Variants in WNK3 observed in about 807,000 individuals in gnomAD.
WNK3 encodes the protein WNK lysine deficient protein kinase 3.
Under a neutral mutation model 116.7 loss-of-function variants are expected in WNK3, and 18 were observed. The observed-to-expected ratio is 0.15, with a 90% CI of 0.11 to 0.23. The LOEUF (loss-of-function observed/expected upper bound fraction) is 0.23. Ranked by LOEUF, WNK3 falls within the 10% of genes least tolerant of loss-of-function variation. The pLI, the probability that WNK3 is intolerant of heterozygous loss-of-function variation, is 1.00. For missense variants in WNK3, 993 were observed against 1,323.8 expected, an observed-to-expected ratio of 0.75 and a Z score of 3.88; for synonymous variants, 404 against 469.4, an observed-to-expected ratio of 0.86 and a Z score of 1.80.
chrX:54,277,917 A>G (rs183473507), intron 10 of WNK3, among the ~76,000 whole-genome samples: 4 of 109,473 alleles, frequency 3.7e-5, no homozygotes, highest in Admixed American at 9.9e-5. Context: ...ACATGGCAAA[A>G]CCTCATCTCC....
intron 22 of WNK3, among the ~76,000 whole-genome samples, chrX:54,222,737 T>C (rs1046337936): frequency 5.7e-5 from 6 of 104,753 alleles, no homozygotes; most frequent in Non-Finnish European, 1.2e-4. Flanking sequence ...ATTAGCCAGG[T>C]ATGGTGGTAT....
intron 22 of WNK3, among the ~76,000 whole-genome samples, chrX:54,214,123 C>T (rs782793944): frequency 3.2e-4 from 35 of 110,845 alleles, no homozygotes; most frequent in Admixed American, 2.6e-3. Context: ...ATTACAGGCG[C>T]GTGCCACCGC....
chrX:54,210,492 TG>T (rs1172817321), intron 22 of WNK3, among the ~76,000 whole-genome samples: 1 of 110,982 alleles, frequency 9.0e-6, no homozygotes, highest in African/African-American at 3.3e-5. Flanking sequence ...CCAGGCACAG[TG>T]GCACACGCCT....
intron 10 of WNK3, among the ~76,000 whole-genome samples, chrX:54,277,030 A>G (rs1055477859): frequency 9.0e-6 from 1 of 111,476 alleles, no homozygotes; most frequent in African/African-American, 3.3e-5. Context: ...ATTAATTCAT[A>G]ATAAAACTTC....
chrX:54,215,336 G>A lies in WNK3; in HGVS notation c.4871-13143C>T, dbSNP rs782237041. 4.5e-3 allele frequency among the ~76,000 whole-genome samples: 502 copies of A among 111,160 alleles called. 3 individuals are homozygous for A. The highest frequency in any genetic ancestry group is 0.019 in the Middle Eastern group (4 of 212). On this transcript the variant is annotated intron_variant, in intron 22 of 23. Coordinates refer to ENST00000354646, the Ensembl canonical transcript of WNK3. ...CTGCCGAGTGCCTGGGATTGCAGGC[G>A]CGCGCCGCCACGCCTGACTGGTTTT...
intron 22 of WNK3, 103 bp from the exon 23 acceptor site, chrX:54,202,296 G>A: frequency 4.1e-6 from 3 of 739,313 alleles, no homozygotes; most frequent in Non-Finnish European, 5.9e-6. Context: ...AGCCACACAT[G>A]GGGTGCAATT....
intron 10 of WNK3, among the ~76,000 whole-genome samples, chrX:54,281,337 T>C (rs1031273921): frequency 1.8e-5 from 2 of 110,094 alleles, no homozygotes; most frequent in African/African-American, 6.6e-5. Context: ...ATACAAAAAT[T>C]AGCTGGGCAT....
chrX:54,296,105 A>G (rs782249611), intron 7 of WNK3, among the ~76,000 whole-genome samples: 23 of 112,137 alleles, frequency 2.1e-4, no homozygotes, highest in Admixed American at 3.8e-4. Flanking sequence ...GTATGCTAAC[A>G]GCAAAGTGCT....
At chrX:54,234,245 G>A (rs1479302786) in intron 20 of WNK3, among the ~76,000 whole-genome samples, 2 of 110,308 alleles carry the variant, frequency 1.8e-5, no homozygotes, top group East Asian at 2.9e-4. Context: ...TGTGTTACAC[G>A]TCTGTAGGCC....
At chrX:54,341,757 A>G (rs1557176445) in intron 1 of WNK3, among the ~76,000 whole-genome samples, 1 of 111,728 alleles carries the variant, frequency 9.0e-6, no homozygotes, top group African/African-American at 3.2e-5. Context: ...AAAACTACAG[A>G]AACAGAAAAT....
chrX:54,283,186 G>A (rs1009681965), intron 10 of WNK3, among the ~76,000 whole-genome samples: 4 of 112,281 alleles, frequency 3.6e-5, no homozygotes, highest in Admixed American at 9.5e-5. Context: ...GCTCATGCCT[G>A]TAATCCTGGC....
intron 2 of WNK3, among the ~76,000 whole-genome samples, chrX:54,314,472 C>A (rs1481373191): frequency 6.3e-5 from 7 of 111,223 alleles, no homozygotes; most frequent in Non-Finnish European, 1.1e-4. Context: ...CTATTATTAA[C>A]TAAGAGATGT....
chrX:54,245,299 CA>C (rs2068064397), intron 17 of WNK3, among the ~76,000 whole-genome samples: 1 of 108,590 alleles, frequency 9.2e-6, no homozygotes, highest in Non-Finnish European at 1.9e-5. Context: ...CCAGCCTGGG[CA>C]ACACTGCAAG....
chrX:54,349,043 AAAC>A, intron 1 of WNK3, among the ~76,000 whole-genome samples: 1 of 112,428 alleles, frequency 8.9e-6, no homozygotes, highest in African/African-American at 3.2e-5. Context: ...TAATTTGAAA[AAAC>A]AACTATCGAC....
At chrX:54,339,935 A>G (rs1557176075) in intron 1 of WNK3, among the ~76,000 whole-genome samples, 1 of 111,271 alleles carries the variant, frequency 9.0e-6, no homozygotes, top group Non-Finnish European at 1.9e-5. Context: ...GGATCACTTG[A>G]GGTCAGGAGT....
chrX:54,339,808 G>A (rs782708478), intron 1 of WNK3, among the ~76,000 whole-genome samples: 3 of 111,522 alleles, frequency 2.7e-5, no homozygotes, highest in South Asian at 7.5e-4. Context: ...TCAGTAACTC[G>A]GGTCAGACAA....
At chrX:54,325,445 G>A (rs1395060124) in intron 2 of WNK3, among the ~76,000 whole-genome samples, 5 of 110,141 alleles carry the variant, frequency 4.5e-5, no homozygotes, top group Admixed American at 3.9e-4. Flanking sequence ...TTGGAAGGCC[G>A]AGACGGGTGG....
chrX:54,333,421 T>C, exon 2 of WNK3: 2 of 1,211,963 alleles, frequency 1.7e-6, no homozygotes, highest in Non-Finnish European at 2.2e-6. Context: ...GGAATATTCA[T>C]TGCAGCCTTA....
chrX:54,297,878 C>A (rs1557166639), intron 7 of WNK3, among the ~76,000 whole-genome samples: 1 of 110,799 alleles, frequency 9.0e-6, no homozygotes, highest in Admixed American at 9.7e-5. Context: ...TCAAGACCAG[C>A]CTGACTAACA....
Sources: allele counts gnomAD v4.1 joint callset (sites outside exome capture counted in the v4.1 genomes callset), GRCh38; gene constraint gnomAD v4.1.1; transcripts MANE v1.5; gene names NCBI Gene and HGNC (gene_info 2026-07-23, HGNC 2026-07-21).